Variants in EPHB2 observed in about 807,000 individuals in gnomAD.
EPHB2 encodes EPH receptor B2.
In EPHB2, 18 loss-of-function variants were observed where a neutral mutation model predicts 96.4. That is an observed-to-expected ratio of 0.19 (90% CI 0.13 to 0.28). The LOEUF (loss-of-function observed/expected upper bound fraction) is 0.28, where lower values mean the gene tolerates loss of function less well. EPHB2 is among the 10% of genes least tolerant of loss of function. The probability of loss-of-function intolerance (pLI) is 1.00; values close to 1 mark genes in which losing one functional copy is unlikely to be tolerated. For synonymous variants in EPHB2, 506 were observed against 534.1 expected, an observed-to-expected ratio of 0.95 and a Z score of 0.72; for missense variants, 989 against 1,355.4, an observed-to-expected ratio of 0.73 and a Z score of 4.25.
At chr1:22,760,742 C>T (rs936440398) in intron 1 of EPHB2, among the ~76,000 whole-genome samples, 3 of 152,180 alleles carry the variant, frequency 2.0e-5, no homozygotes, top group African/African-American at 7.2e-5. Context: ...CCATTTCTCT[C>T]CTCTGCTCCA....
chr1:22,766,042 G>A (rs1644303728), intron 1 of EPHB2, among the ~76,000 whole-genome samples: 2 of 152,210 alleles, frequency 1.3e-5, no homozygotes, highest in Admixed American at 1.3e-4. Flanking sequence ...TCCCCGGAGA[G>A]CTCAGCTGTA....
intron 1 of EPHB2, among the ~76,000 whole-genome samples, chr1:22,748,756 T>C (rs1398237996): frequency 1.3e-5 from 2 of 149,378 alleles, no homozygotes; most frequent in East Asian, 4.0e-4. Flanking sequence ...ACATATATGA[T>C]ATTAAAATAA....
intron 1 of EPHB2, among the ~76,000 whole-genome samples, chr1:22,749,305 C>T (rs1295776640): frequency 6.6e-6 from 1 of 152,140 alleles, no homozygotes; most frequent in Admixed American, 6.5e-5. Flanking sequence ...AGGGTGTGAG[C>T]CACCACACCC....
intron 1 of EPHB2, among the ~76,000 whole-genome samples, chr1:22,721,059 A>G (rs1222886569): frequency 2.0e-5 from 3 of 152,142 alleles, no homozygotes; most frequent in Non-Finnish European, 4.4e-5. Flanking sequence ...TCATTCTACT[A>G]TGAAAGACCG....
chr1:22,837,298 C>T (rs1257991952), intron 3 of EPHB2, among the ~76,000 whole-genome samples: 1 of 152,212 alleles, frequency 6.6e-6, no homozygotes, highest in Non-Finnish European at 1.5e-5. Context: ...GCCATTTCCA[C>T]AGTCGGGGAG....
chr1:22,895,631 T>C (rs766275910), intron 8 of EPHB2, 51 bp downstream of exon 8: 1 of 1,510,186 alleles, frequency 6.6e-7, no homozygotes. Flanking sequence ...AGATGGCTTC[T>C]CTCTCTCTAT....
chr1:22,834,415 A>G (rs1172033533), intron 3 of EPHB2, among the ~76,000 whole-genome samples: 1 of 152,206 alleles, frequency 6.6e-6, no homozygotes, highest in Non-Finnish European at 1.5e-5. Context: ...TCGGACGATT[A>G]AAATACCTTG....
In EPHB2 at chr1:22,908,020, A is replaced by G. The variant is rs1312406683; in HGVS notation, c.2204A>G (p.Lys735Arg). The change falls in exon 12 of 16, where the codon AAG (lysine) becomes AGG (arginine). Residue 735 changes from lysine to arginine, a missense_variant. Coordinates refer to ENST00000374630, the MANE Select transcript of EPHB2 (RefSeq NM_017449.5). Reference sequence around the variant, plus strand: ...CTTCGGGGCATCGCAGCTGGCATGAAGTACCTGGCAGACATGAACTATGTT... The same window carrying G: ...CTTCGGGGCATCGCAGCTGGCATGAGGTACCTGGCAGACATGAACTATGTT... ...GMLRGIAAGM[K>R]YLADMNYVHR... is the part of the protein sequence containing the mutation. The G allele has an allele frequency of 6.2e-7, 1 of 1,614,250 alleles. No individual in the cohort carries two copies. Among genetic ancestry groups the G allele is most frequent in the Admixed American group, 1.7e-5 (1 of 60,034 alleles).
chr1:22,809,592 T>C (rs959342352), intron 3 of EPHB2, among the ~76,000 whole-genome samples: 5 of 152,320 alleles, frequency 3.3e-5, no homozygotes, highest in Admixed American at 3.3e-4. Flanking sequence ...ATTATCCCCA[T>C]TTTACAGATG....
chr1:22,818,991 C>T (rs184917833), intron 3 of EPHB2, among the ~76,000 whole-genome samples: 2 of 151,830 alleles, frequency 1.3e-5, no homozygotes, highest in African/African-American at 4.8e-5. Flanking sequence ...TAGGCTCCCC[C>T]CTCCCAGGGG....
intron 1 of EPHB2, among the ~76,000 whole-genome samples, chr1:22,746,766 T>C (rs913647822): frequency 1.3e-5 from 2 of 152,126 alleles, no homozygotes; most frequent in African/African-American, 4.8e-5. Flanking sequence ...GTGTGAAGTG[T>C]GTTTTCTTCA....
Position 22,912,545 on chromosome 1 carries a change from G to T in EPHB2, c.2798G>T (p.Ser933Ile), listed in dbSNP as rs763866286. The change falls in exon 15 of 16, where the codon AGC (serine) becomes ATC (isoleucine). Residue 933 changes from serine to isoleucine, a missense_variant. Physicochemically the swap from Ser to Ile is moderately radical, Grantham distance 142. Transcript: ENST00000374630. ...ATCAAGATGGGGCAGTACAAGGAGA[G>T]CTTCGCCAATGCCGGCTTCACCTCC... is the stretch of plus-strand genomic sequence containing the variant. ...EAIKMGQYKE[S>I]FANAGFTSFD... The T allele has an allele frequency of 1.9e-6, 3 of 1,614,132 alleles. No homozygotes were observed. The highest frequency in any genetic ancestry group is 2.5e-6 in the Non-Finnish European group (3 of 1,180,036).
chr1:22,843,804 G>T (rs1282655911), intron 3 of EPHB2, among the ~76,000 whole-genome samples: 1 of 152,240 alleles, frequency 6.6e-6, no homozygotes, highest in East Asian at 1.9e-4. Flanking sequence ...GTTTCCCAAA[G>T]TGCTGGGATT....
In EPHB2 at chr1:22,847,437, G is replaced by A. The variant is rs990864146; in HGVS notation, c.812-15600G>A. 1.3e-4 allele frequency among the ~76,000 whole-genome samples: 20 copies of A among 152,322 alleles called. No homozygotes were observed. In the South Asian group the frequency reaches 1.9e-3, roughly 14 times the overall value. On this transcript the variant is annotated intron_variant, in intron 3 of 15. Transcript: ENST00000374630. ...GCTGTTGTTAATAGGTGCTCAGTTCGTTTTTAATGGTAAAGAGGTGGGGCT... is the reference window on the plus strand; with the variant it reads ...GCTGTTGTTAATAGGTGCTCAGTTCATTTTTAATGGTAAAGAGGTGGGGCT...
chr1:22,918,175 C>T lies in EPHB2; in HGVS notation c.*4605C>T, dbSNP rs2817894. 0.41 allele frequency: 62,378 copies of T among 151,852 alleles called. 13,689 individuals are homozygous for T. Among genetic ancestry groups the T allele is most frequent in the Non-Finnish European group, 0.49 (33,480 of 67,928 alleles). The allele number at this position is 151,852 out of a possible 1,614,324, so 9.4% of individuals were successfully genotyped here. A position where few individuals can be genotyped will look rare whatever the true frequency, so the allele number is the denominator to read the frequency against. Reference sequence around the variant, plus strand: ...CCCCGAGAAGGAATTGCCCCCGGAGCGGCCCTCATTTATTCCAGGAGAAGC... The same window carrying T: ...CCCCGAGAAGGAATTGCCCCCGGAGTGGCCCTCATTTATTCCAGGAGAAGC... On this transcript the variant is annotated 3_prime_UTR_variant, in exon 16 of 16. Transcript: ENST00000374630. The surrounding 1 kb of genome is among the most constrained non-coding windows in gnomAD (Gnocchi z 4.2).
intron 1 of EPHB2, among the ~76,000 whole-genome samples, chr1:22,768,802 G>A (rs902662000): frequency 2.7e-5 from 4 of 145,634 alleles, no homozygotes; most frequent in East Asian, 4.0e-4. Flanking sequence ...CTCTCCTCCC[G>A]GCCTTTGTAC....
intron 3 of EPHB2, among the ~76,000 whole-genome samples, chr1:22,794,708 G>A (rs1644742790): frequency 6.6e-6 from 1 of 152,168 alleles, no homozygotes; most frequent in African/African-American, 2.4e-5. Flanking sequence ...AGATGACCCA[G>A]CTAGGAAGAA....
At chr1:22,852,377 G>A (rs1330311568) in intron 3 of EPHB2, among the ~76,000 whole-genome samples, 2 of 152,180 alleles carry the variant, frequency 1.3e-5, no homozygotes, top group African/African-American at 2.4e-5. Context: ...AACGCTGCCT[G>A]CCGGCAGCCA....
chr1:22,761,033 G>A (rs1644228169), intron 1 of EPHB2, among the ~76,000 whole-genome samples: 1 of 152,176 alleles, frequency 6.6e-6, no homozygotes, highest in South Asian at 2.1e-4. Context: ...GCCAAGTGCA[G>A]GTCTGTAGGC....
Sources: allele counts gnomAD v4.1 joint callset (sites outside exome capture counted in the v4.1 genomes callset), GRCh38; gene constraint gnomAD v4.1.1; non-coding constraint Gnocchi (gnomAD v3.1); transcripts MANE v1.5; gene names NCBI Gene and HGNC (gene_info 2026-07-23, HGNC 2026-07-21).